MTMR3: variants seen among roughly 807,000 people sequenced by gnomAD.
The protein encoded by MTMR3 is myotubularin related protein 3.
MTMR3 carries 32 observed loss-of-function variants against 132.4 expected under a neutral mutation model. The ratio of observed to expected loss-of-function variants is 0.24; its 90% CI spans 0.18 to 0.32. MTMR3 has a LOEUF of 0.32. Among genes scored for constraint, MTMR3 ranks in the 10% least tolerant of loss-of-function variants. The pLI is 1.00. For synonymous variants in MTMR3, 556 were observed against 550.3 expected, an observed-to-expected ratio of 1.01 and a Z score of -0.14; for missense variants, 1,216 against 1,489.6, an observed-to-expected ratio of 0.82 and a Z score of 3.02.
At chr22:30,025,407 G>A (rs1452699570) in intron 19 of MTMR3, 6 of 575,184 alleles carry the variant, frequency 1.0e-5, no homozygotes, top group East Asian at 8.8e-5. Context: ...TGGTGAGGCA[G>A]CCAAGAATCC....
At chr22:29,994,313 G>A (rs903817753) in intron 7 of MTMR3, 3 of 191,642 alleles carry the variant, frequency 1.6e-5, no homozygotes, top group Admixed American at 6.8e-5. Context: ...TTGAATGTAT[G>A]TGTATGTATG....
intron 17 of MTMR3, chr22:30,021,711 G>T: frequency 3.5e-6 from 1 of 283,020 alleles, no homozygotes; most frequent in Non-Finnish European, 6.6e-6. Flanking sequence ...TGGATTGACA[G>T]GCCCACTGGA....
intron 1 of MTMR3, among the ~76,000 whole-genome samples, chr22:29,927,638 A>G (rs1027276095): frequency 6.6e-6 from 1 of 152,118 alleles, no homozygotes; most frequent in East Asian, 1.9e-4. Flanking sequence ...AAAAAAGAGA[A>G]CTCAAATACT....
chr22:29,954,687 T>C (rs1390113280), intron 1 of MTMR3, among the ~76,000 whole-genome samples: 1 of 152,208 alleles, frequency 6.6e-6, no homozygotes, highest in South Asian at 2.1e-4. Context: ...TTTTAGAACA[T>C]GTCAGATAGC....
intron 15 of MTMR3, 110 bp from the exon 16 acceptor site, chr22:30,017,817 G>C (rs751281179): frequency 6.3e-5 from 86 of 1,367,780 alleles, no homozygotes; most frequent in Non-Finnish European, 8.9e-5. Flanking sequence ...TGGAGATCCT[G>C]TCAGCCCTGT....
rs373379613 is a variant in MTMR3 at position 29,917,732 on chromosome 22, C to T, written c.-138+34373C>T. Among the ~76,000 whole-genome samples, 33 of 152,288 alleles carry T rather than the reference C, an allele frequency of 2.2e-4. No individual in the cohort carries two copies. The South Asian group carries it at 5.6e-3, about 26-fold the overall frequency. ...TGAGGACAAATAGTTTTTCCACATT[C>T]TATTGCCATCATTGTTACTAGGTAA... is the stretch of plus-strand genomic sequence containing the variant. On this transcript the variant is annotated intron_variant, in intron 1 of 19. Transcript: ENST00000401950.
At chr22:29,918,059 A>G (rs192494441) in intron 1 of MTMR3, among the ~76,000 whole-genome samples, 6 of 152,330 alleles carry the variant, frequency 3.9e-5, no homozygotes, top group Admixed American at 2.0e-4. Flanking sequence ...AGTGAGTTTA[A>G]GTGTTTAATT....
intron 2 of MTMR3, among the ~76,000 whole-genome samples, chr22:29,962,219 A>T (rs566522033): frequency 1.3e-5 from 2 of 152,214 alleles, no homozygotes; most frequent in East Asian, 1.9e-4. Flanking sequence ...CTGCTTACCA[A>T]TTTTTTTTAA....
chr22:29,895,605 G>A (rs2064878115), intron 1 of MTMR3, among the ~76,000 whole-genome samples: 2 of 152,212 alleles, frequency 1.3e-5, no homozygotes, highest in Admixed American at 6.5e-5. Flanking sequence ...TGTGCAACGT[G>A]TTGTCGGGTG....
intron 1 of MTMR3, among the ~76,000 whole-genome samples, chr22:29,953,424 G>T (rs2066122254): frequency 6.6e-6 from 1 of 152,214 alleles, no homozygotes; most frequent in Non-Finnish European, 1.5e-5. Context: ...GTGGCACATC[G>T]ATGATCACAT....
chr22:30,016,714 C>T lies in MTMR3; in HGVS notation c.1674+16C>T, dbSNP rs1034669365. 2 of 1,603,016 alleles carry T rather than the reference C, an allele frequency of 1.2e-6. No individual in the cohort carries two copies. Among genetic ancestry groups the T allele is most frequent in the African/African-American group, 1.3e-5 (1 of 74,752 alleles). ...GTCAGAAGCCGTATGTATCCTTCAG[C>T]CTTTCCACTGTGGTCAGCAGAAGGA... is the stretch of plus-strand genomic sequence containing the variant. On this transcript the variant is annotated intron_variant, in intron 15 of 19. Coordinates refer to ENST00000401950, the MANE Select transcript of MTMR3 (RefSeq NM_021090.4).
At chr22:29,943,434 C>CG (rs1399157484) in intron 1 of MTMR3, among the ~76,000 whole-genome samples, 2 of 152,122 alleles carry the variant, frequency 1.3e-5, no homozygotes, top group African/African-American at 4.8e-5. Flanking sequence ...TCGTGATCCG[C>CG]CCGTCTCGGC....
At chr22:29,993,035 C>A (rs1300893444) in intron 7 of MTMR3, 1 of 152,160 alleles carries the variant, frequency 6.6e-6, no homozygotes, top group Non-Finnish European at 1.5e-5. Context: ...AAAACCAGTT[C>A]TCAGTTATTC....
At chr22:30,025,552 G>A in intron 19 of MTMR3, 78 bp from the exon 20 acceptor site, 2 of 1,485,322 alleles carry the variant, frequency 1.3e-6, no homozygotes, top group Admixed American at 1.7e-5. Flanking sequence ...ACACGGCAAA[G>A]TTTGTCTTTT....
chr22:30,007,755 A>G, intron 10 of MTMR3, 146 bp from the exon 11 acceptor site: 1 of 962,620 alleles, frequency 1.0e-6, no homozygotes, highest in Non-Finnish European at 1.5e-6. Flanking sequence ...AAAAAAGAGA[A>G]AAATCCTATG....
intron 2 of MTMR3, among the ~76,000 whole-genome samples, chr22:29,957,648 T>G (rs543388396): frequency 1.7e-4 from 26 of 152,218 alleles, no homozygotes; most frequent in African/African-American, 6.3e-4. Context: ...AGACAGGATC[T>G]CGTTCTGTTG....
At chr22:29,944,824 A>G (rs1265142006) in intron 1 of MTMR3, among the ~76,000 whole-genome samples, 1 of 152,154 alleles carries the variant, frequency 6.6e-6, no homozygotes, top group Non-Finnish European at 1.5e-5. Flanking sequence ...TGTATTTCTG[A>G]TTTAAGCTTT....
At chr22:29,949,720 T>C (rs1427736763) in intron 1 of MTMR3, among the ~76,000 whole-genome samples, 2 of 152,114 alleles carry the variant, frequency 1.3e-5, no homozygotes, top group Non-Finnish European at 2.9e-5. Context: ...TGGGTCTTTT[T>C]GTCCAAGAAA....
Position 29,895,743 on chromosome 22 carries a change from C to G in MTMR3, c.-138+12384C>G, listed in dbSNP as rs564838009. ...ATTGGTTTTACTGGGATTCAGAAAG[C>G]TGTAGTGGATCAGACCAGGAGCAGA... On this transcript the variant is annotated intron_variant, in intron 1 of 19. Coordinates refer to ENST00000401950, the MANE Select transcript of MTMR3 (RefSeq NM_021090.4). Among the ~76,000 whole-genome samples the G allele has an allele frequency of 2.2e-4, 34 of 152,224 alleles. No homozygotes were observed. The South Asian group carries it at 5.0e-3, about 22-fold the overall frequency.
Sources: gnomAD v4.1 joint callset for allele counts (sites outside exome capture counted in the v4.1 genomes callset) on GRCh38, gnomAD v4.1.1 for gene constraint, MANE v1.5 for transcripts, NCBI Gene and HGNC (gene_info 2026-07-23, HGNC 2026-07-21) for gene names.